Variants in ARID2 observed in about 807,000 individuals in gnomAD.
The protein encoded by ARID2 is AT-rich interaction domain 2.
Under a neutral mutation model 184.6 loss-of-function variants are expected in ARID2, and 32 were observed. The observed-to-expected ratio is 0.17, with a 90% CI of 0.13 to 0.23. ARID2 has a LOEUF of 0.23. ARID2 is among the 10% of genes least tolerant of loss of function. The pLI, the probability that ARID2 is intolerant of heterozygous loss-of-function variation, is 1.00. For synonymous variants in ARID2, 836 were observed against 772.6 expected (o/e 1.08, Z -1.36); for missense variants, 1,696 against 2,197.6 (o/e 0.77, Z 4.56).
At chr12:45,822,843 G>C (rs1363710410) in intron 6 of ARID2, among the ~76,000 whole-genome samples, 1 of 152,046 alleles carries the variant, frequency 6.6e-6, no homozygotes, top group Non-Finnish European at 1.5e-5. Flanking sequence ...AATATTAGTA[G>C]AGCTAAAAAG....
chr12:45,769,983 G>A (rs1016743022), intron 3 of ARID2, among the ~76,000 whole-genome samples: 5 of 152,096 alleles, frequency 3.3e-5, no homozygotes, highest in Admixed American at 6.5e-5. Context: ...GGCCGGGCGC[G>A]GTGGCTCACA....
intron 3 of ARID2, among the ~76,000 whole-genome samples, chr12:45,751,685 C>T (rs1941467864): frequency 6.6e-6 from 1 of 152,218 alleles, no homozygotes; most frequent in Non-Finnish European, 1.5e-5. Context: ...GAGCCTACTA[C>T]ACACCTAAGC....
intron 3 of ARID2, among the ~76,000 whole-genome samples, chr12:45,801,205 G>T (rs555038057): frequency 1.3e-5 from 2 of 152,102 alleles, no homozygotes; most frequent in East Asian, 3.9e-4. Context: ...GCAGCTACTT[G>T]GTAGGCTGAG....
In ARID2 at chr12:45,835,379, T is replaced by C. The variant is rs967928839; in HGVS notation, c.706-1210T>C. Among the ~76,000 whole-genome samples, 173 of 152,308 alleles carry C rather than the reference T, an allele frequency of 1.1e-3. 2 individuals are homozygous for C. The highest frequency in any genetic ancestry group is 1.5e-4 in the Non-Finnish European group (10 of 68,022). ...TTAAAAAAATGTGCCTACTTCTTTT[T>C]TATTGCTACCAAACATTGTTTGTCA... On this transcript the variant is annotated intron_variant, in intron 6 of 20. Transcript: ENST00000334344.
chr12:45,740,121 A>G (rs982623991), intron 3 of ARID2, among the ~76,000 whole-genome samples: 1 of 152,208 alleles, frequency 6.6e-6, no homozygotes, highest in Non-Finnish European at 1.5e-5. Context: ...TGTAGTTTAC[A>G]CCATTAAAGA....
chr12:45,782,836 C>T (rs1347219549), intron 3 of ARID2, among the ~76,000 whole-genome samples: 1 of 151,492 alleles, frequency 6.6e-6, no homozygotes, highest in Admixed American at 6.6e-5. Context: ...GGGCCGGGTG[C>T]GGTGGTTCAT....
intron 3 of ARID2, chr12:45,776,084 G>GTA (rs1428544135): frequency 5.9e-6 from 1 of 168,780 alleles, no homozygotes. Context: ...ATTTCAGGCA[G>GTA]TATACTTCAT....
Position 45,852,296 on chromosome 12 carries a change from T to G in ARID2, c.4173T>G (p.Ser1391=), listed in dbSNP as rs763984197. The G allele has an allele frequency of 6.2e-7, 1 of 1,614,124 alleles. No individual in the cohort carries two copies. The highest frequency in any genetic ancestry group is 1.7e-5 in the Admixed American group (1 of 60,014). ...TSNHVGNGEI[S]PMEPQGTLDI... ...ATCATGTAGGAAATGGTGAGATATC[T>G]CCAATGGAACCACAAGGGACTTTAG... The change falls in exon 15 of 21, where the codon TCT becomes TCG. Residue 1391 remains serine (S), a synonymous_variant. Coordinates refer to ENST00000334344, the MANE Select transcript of ARID2 (RefSeq NM_152641.4).
At chr12:45,777,926 C>G (rs1942016036) in intron 3 of ARID2, among the ~76,000 whole-genome samples, 2 of 151,748 alleles carry the variant, frequency 1.3e-5, no homozygotes, top group Non-Finnish European at 2.9e-5. Flanking sequence ...TTAAAACCGG[C>G]CAGGCCCAGT....
chr12:45,770,481 C>T (rs1941854280), intron 3 of ARID2, among the ~76,000 whole-genome samples: 1 of 152,172 alleles, frequency 6.6e-6, no homozygotes, highest in Non-Finnish European at 1.5e-5. Context: ...TCCCAGCTCA[C>T]CTGTGCTATA....
intron 3 of ARID2, among the ~76,000 whole-genome samples, chr12:45,757,698 TA>T (rs1195806378): frequency 6.6e-6 from 1 of 152,184 alleles, no homozygotes; most frequent in Non-Finnish European, 1.5e-5. Flanking sequence ...AGGAGTCGTT[TA>T]AAAAAGTCTG....
chr12:45,875,054 C>T (rs1164112848), intron 16 of ARID2, among the ~76,000 whole-genome samples: 3 of 152,122 alleles, frequency 2.0e-5, no homozygotes, highest in Non-Finnish European at 2.9e-5. Context: ...GCCCAGGAGG[C>T]GGAGTTTGCA....
chr12:45,836,038 A>G (rs1381942283), intron 6 of ARID2, among the ~76,000 whole-genome samples: 1 of 152,114 alleles, frequency 6.6e-6, no homozygotes, highest in Non-Finnish European at 1.5e-5. Flanking sequence ...TGTGGCCCTC[A>G]GGTTAAAAAG....
chr12:45,749,675 C>T (rs1047182220), intron 3 of ARID2, among the ~76,000 whole-genome samples: 2 of 152,194 alleles, frequency 1.3e-5, no homozygotes, highest in Admixed American at 1.3e-4. Flanking sequence ...TTTACCTTAG[C>T]TAGATCTTCT....
chr12:45,860,746 A>G (rs1035537515), intron 15 of ARID2, 55 bp from the exon 16 acceptor site: 4 of 1,382,090 alleles, frequency 2.9e-6, no homozygotes, highest in Non-Finnish European at 3.8e-6. Context: ...TATACTATAA[A>G]ATATGAATTT....
intron 3 of ARID2, among the ~76,000 whole-genome samples, chr12:45,736,405 C>G (rs1232374551): frequency 6.7e-6 from 1 of 149,406 alleles, no homozygotes; most frequent in Non-Finnish European, 1.5e-5. Context: ...TATTCTCAAA[C>G]TGAATGAAAT....
chr12:45,853,038 T>A, intron 15 of ARID2, 142 bp downstream of exon 15: 1 of 1,276,292 alleles, frequency 7.8e-7, no homozygotes, highest in Non-Finnish European at 1.0e-6. Flanking sequence ...CCTTTTCTTT[T>A]TCTCTGGTTT....
intron 20 of ARID2, 123 bp downstream of exon 20, chr12:45,893,844 C>A: frequency 1.2e-6 from 1 of 849,542 alleles, no homozygotes; most frequent in Non-Finnish European, 1.7e-6. Flanking sequence ...CAAATACATC[C>A]AAAAGTTTAT....
intron 11 of ARID2, chr12:45,841,061 T>TA (rs1491252278): frequency 2.0e-5 from 3 of 152,194 alleles, no homozygotes; most frequent in Non-Finnish European, 4.4e-5. Context: ...GAAATGAAAC[T>TA]GTTCATATTG....
Sources: allele counts gnomAD v4.1 joint callset (sites outside exome capture counted in the v4.1 genomes callset), GRCh38; gene constraint gnomAD v4.1.1; transcripts MANE v1.5; gene names NCBI Gene and HGNC (gene_info 2026-07-23, HGNC 2026-07-21).